Variants in DAZAP1 observed in about 807,000 individuals in gnomAD.
The protein encoded by DAZAP1 is DAZ-associated protein 1.
DAZAP1 carries 6 observed loss-of-function variants against 60.1 expected under a neutral mutation model. The observed-to-expected ratio is 0.10, with a 90% CI of 0.05 to 0.20. The LOEUF (loss-of-function observed/expected upper bound fraction) is 0.20. DAZAP1 is among the 10% of genes least tolerant of loss of function. DAZAP1 has a pLI of 1.00. For missense variants in DAZAP1, 366 were observed against 560.4 expected, an observed-to-expected ratio of 0.65 and a Z score of 3.50; for synonymous variants, 235 against 215.9, an observed-to-expected ratio of 1.09 and a Z score of -0.78.
chr19:1,423,867 A>G lies in DAZAP1; in HGVS notation c.463+1471A>G, dbSNP rs1416820536. 6.6e-6 allele frequency among the ~76,000 whole-genome samples: 1 copy of G among 152,042 alleles called. No individual in the cohort carries two copies. The highest frequency in any genetic ancestry group is 1.5e-5 in the Non-Finnish European group (1 of 68,014). On this transcript the variant is annotated intron_variant, in intron 6 of 11. Transcript: ENST00000233078. This position sits in a 1 kb window ranked among gnomAD's most constrained non-coding sequence, Gnocchi z 6.8. ...TGTCCCGTGTGGACGGGACGTGGCG[A>G]GTGTCGCTGAGTCCACACTGGTGTA...
intron 4 of DAZAP1, among the ~76,000 whole-genome samples, chr19:1,419,492 C>T (rs533744632): frequency 6.6e-5 from 10 of 152,308 alleles, no homozygotes; most frequent in African/African-American, 2.4e-4. Flanking sequence ...AAAATGACGG[C>T]CACCCCTCGC....
rs1258373351 is a variant in DAZAP1 at position 1,418,792 on chromosome 19, C to T, written c.303+61C>T. Reference sequence around the variant, plus strand: ...CTCCACTCCACGTGGAAAGGAAATGCGTGCCTTCAATCTGCTGTTGTCGCT... The same window carrying T: ...CTCCACTCCACGTGGAAAGGAAATGTGTGCCTTCAATCTGCTGTTGTCGCT... On this transcript the variant is annotated intron_variant, in intron 4 of 11. Transcript: ENST00000233078. The surrounding 1 kb of genome is among the most constrained non-coding windows in gnomAD (Gnocchi z 5.7). 14 of 1,493,592 alleles carry T rather than the reference C, an allele frequency of 9.4e-6. No homozygotes were observed. The highest frequency in any genetic ancestry group is 6.3e-6 in the Non-Finnish European group (7 of 1,104,928). The allele number at this position is 1,493,592 out of a possible 1,614,324, so 92.5% of individuals were successfully genotyped here. A position where few individuals can be genotyped will look rare whatever the true frequency, so the allele number is the denominator to read the frequency against.
intron 10 of DAZAP1, among the ~76,000 whole-genome samples, 177 bp downstream of exon 10, chr19:1,430,539 G>A (rs527258155): frequency 6.6e-6 from 1 of 152,188 alleles, no homozygotes; most frequent in Non-Finnish European, 1.5e-5. Context: ...TCCATCGCCT[G>A]TGGCCTCGCT....
chr19:1,430,067 G>C, intron 9 of DAZAP1, 71 bp downstream of exon 9: 1 of 1,582,584 alleles, frequency 6.3e-7, no homozygotes, highest in Non-Finnish European at 8.6e-7. Context: ...AGGTGTCCTG[G>C]GGCAGCCGGC....
At chr19:1,424,291 C>G (rs1417967968) in intron 6 of DAZAP1, among the ~76,000 whole-genome samples, 2 of 150,554 alleles carry the variant, frequency 1.3e-5, no homozygotes, top group Non-Finnish European at 3.0e-5. Flanking sequence ...CGCTGTGTGC[C>G]TTGCCTTCCT....
chr19:1,429,900 G>A (rs1364996226), intron 8 of DAZAP1, 67 bp from the exon 9 acceptor site: 93 of 1,546,932 alleles, frequency 6.0e-5, no homozygotes, highest in Non-Finnish European at 7.8e-5. Context: ...CATGCTCTGC[G>A]GCTCCTTCTC....
In DAZAP1 at chr19:1,433,633, G is replaced by A. The variant is rs2083513712; in HGVS notation, c.1048+943G>A. 1 of 892,732 alleles carries A rather than the reference G, an allele frequency of 1.1e-6. No homozygotes were observed. The highest frequency in any genetic ancestry group is 1.7e-5 in the African/African-American group (1 of 60,252). 55.3% of individuals were successfully genotyped at this position (892,732 alleles called of 1,614,324 possible). A position where few individuals can be genotyped will look rare whatever the true frequency, so the allele number is the denominator to read the frequency against. ...CACCACCAAACCCTGGCGTGTCTGA[G>A]ACTGGCAGGGGGGTGTGAGGCGCCC... On this transcript the variant is annotated intron_variant, in intron 11 of 11. Coordinates refer to ENST00000233078, the MANE Select transcript of DAZAP1 (RefSeq NM_018959.4). This position sits in a 1 kb window ranked among gnomAD's most constrained non-coding sequence, Gnocchi z 6.1.
Position 1,428,905 on chromosome 19 carries a change from A to G in DAZAP1, c.610A>G (p.Ser204Gly). The change falls in exon 8 of 12, where the codon AGC (serine) becomes GGC (glycine). Residue 204 changes from serine (S) to glycine (G), a missense_variant. Physicochemically the swap from Ser to Gly is moderately conservative, Grantham distance 56 (BLOSUM62 0). Coordinates refer to ENST00000233078, the MANE Select transcript of DAZAP1 (RefSeq NM_018959.4). This position sits in a 1 kb window ranked among gnomAD's most constrained non-coding sequence, Gnocchi z 4.0. ...KSQAPGQPGA[S>G]QWGSRVVPNA... Reference sequence around the variant, plus strand: ...CCAAGCGCCGGGACAGCCAGGTGCCAGCCAGTGGGGGAGCCGGGTTGTGCC... The same window carrying G: ...CCAAGCGCCGGGACAGCCAGGTGCCGGCCAGTGGGGGAGCCGGGTTGTGCC... The G allele has an allele frequency of 6.2e-7, 1 of 1,613,002 alleles. No homozygotes were observed. The highest frequency in any genetic ancestry group is 1.1e-5 in the South Asian group (1 of 91,076).
Position 1,429,950 on chromosome 19 carries a change from T to C in DAZAP1, c.701-17T>C. ...GGTGGACACGGCGCCAACCTCCTCT[T>C]CTGTTCTCTTATCTAGGAATGTGGG... On this transcript the variant is annotated splice_polypyrimidine_tract_variant and intron_variant, in intron 8 of 11. Coordinates refer to ENST00000233078, the MANE Select transcript of DAZAP1 (RefSeq NM_018959.4). 6.4e-7 allele frequency: 1 copy of C among 1,562,620 alleles called. No individual in the cohort carries two copies. Among genetic ancestry groups the C allele is most frequent in the Non-Finnish European group, 8.7e-7 (1 of 1,152,404 alleles).
At chr19:1,431,461 C>G (rs180747830) in intron 10 of DAZAP1, among the ~76,000 whole-genome samples, 2 of 151,894 alleles carry the variant, frequency 1.3e-5, no homozygotes, top group Non-Finnish European at 2.9e-5. Flanking sequence ...TGGAGTTTCA[C>G]TTTTGTTGCC....
chr19:1,424,359 TC>T (rs1264501120), intron 6 of DAZAP1, among the ~76,000 whole-genome samples: 14 of 21,578 alleles, frequency 6.5e-4, no homozygotes, highest in Admixed American at 2.3e-3. Context: ...CCCCTCCCCC[TC>T]CCCCCTCCCC....
Position 1,418,848 on chromosome 19 carries a change from G to A in DAZAP1, c.303+117G>A, listed in dbSNP as rs2083064884. The stretch of plus-strand genomic sequence containing the variant: ...AGATTGAGGGCGACGCAGGTCTTCT[G>A]GGTTGGCACTCGAGCAGCTGAGGAT... On this transcript the variant is annotated intron_variant, in intron 4 of 11. Transcript: ENST00000233078. The surrounding 1 kb of genome is among the most constrained non-coding windows in gnomAD (Gnocchi z 5.7). 9.3e-7 allele frequency: 1 copy of A among 1,076,772 alleles called. No individual in the cohort carries two copies. The highest frequency in any genetic ancestry group is 2.6e-5 in the Admixed American group (1 of 38,624). The allele number at this position is 1,076,772 out of a possible 1,614,324, so 66.7% of individuals were successfully genotyped here. A position where few individuals can be genotyped will look rare whatever the true frequency, so the allele number is the denominator to read the frequency against.
At position 1,430,074 on chromosome 19, in the gene DAZAP1, C is replaced by T. The variant is rs112802518; in HGVS notation, c.730+78C>T. On this transcript the variant is annotated intron_variant, in intron 9 of 11. Coordinates refer to ENST00000233078, the MANE Select transcript of DAZAP1 (RefSeq NM_018959.4). ...GACTCGCCAGGTGTCCTGGGGCAGC[C>T]GGCAAAGCCTGGTTCCCGTGTCCTG... 1,349 of 1,581,664 alleles carry T rather than the reference C, an allele frequency of 8.5e-4. 13 individuals carry two copies. In the African/African-American group the frequency reaches 0.016, roughly 19 times the overall value.
intron 10 of DAZAP1, among the ~76,000 whole-genome samples, chr19:1,431,381 G>A (rs981970331): frequency 4.6e-5 from 7 of 151,660 alleles, no homozygotes; most frequent in African/African-American, 1.2e-4. Context: ...CGCCCGCCTC[G>A]GCCTCCCAAA....
rs964494334 is a variant in DAZAP1, at chr19:1,422,566, G to A, written c.463+170G>A. 3.3e-5 allele frequency among the ~76,000 whole-genome samples: 5 copies of A among 152,200 alleles called. No homozygotes were observed. Among genetic ancestry groups the A allele is most frequent in the African/African-American group, 9.7e-5 (4 of 41,436 alleles). On this transcript the variant is annotated intron_variant, in intron 6 of 11. Transcript: ENST00000233078. This position sits in a 1 kb window ranked among gnomAD's most constrained non-coding sequence, Gnocchi z 4.5. Reference sequence around the variant, plus strand: ...GGGCTCCTCATGTGCACCCCATTCAGCCTGTCTGTGCTTCCCGAGGTCAGA... The same window carrying A: ...GGGCTCCTCATGTGCACCCCATTCAACCTGTCTGTGCTTCCCGAGGTCAGA...
chr19:1,434,681 A>G lies in DAZAP1; in HGVS notation c.1049-56A>G. The G allele has an allele frequency of 1.3e-6, 2 of 1,591,552 alleles. No homozygotes were observed. Among genetic ancestry groups the G allele is most frequent in the Non-Finnish European group, 1.7e-6 (2 of 1,166,674 alleles). ...AGCTGTGTCCAGGTGGCCTCGCTCG[A>G]CGGCAGTGCCAACCGCCCAGGGACC... On this transcript the variant is annotated intron_variant, in intron 11 of 11. Transcript: ENST00000233078. The surrounding 1 kb of genome is among the most constrained non-coding windows in gnomAD (Gnocchi z 8.0).
rs996084016 is a variant in DAZAP1, at chr19:1,428,559, C to G, written c.547-283C>G. ...GACCCTTCGTCACGCACGAAACCCC[C>G]GAGGGCTCTGGGCTCGGTCCTGCTG... On this transcript the variant is annotated intron_variant, in intron 7 of 11. Transcript: ENST00000233078. The surrounding 1 kb of genome is among the most constrained non-coding windows in gnomAD (Gnocchi z 4.0). The G allele has an allele frequency of 5.5e-6, 2 of 361,774 alleles. No individual in the cohort carries two copies. The highest frequency in any genetic ancestry group is 1.0e-5 in the Non-Finnish European group (2 of 200,060). 22.4% of individuals were successfully genotyped at this position (361,774 alleles called of 1,614,324 possible).
chr19:1,429,113 G>A lies in DAZAP1; in HGVS notation c.700+118G>A, dbSNP rs868452328. 117 of 1,280,962 alleles carry A rather than the reference G, an allele frequency of 9.1e-5. 1 individual carries two copies. The Middle Eastern group carries it at 1.1e-3, about 12-fold the overall frequency. The allele number at this position is 1,280,962 out of a possible 1,614,324, so 79.3% of individuals were successfully genotyped here. A position where few individuals can be genotyped will look rare whatever the true frequency, so the allele number is the denominator to read the frequency against. ...CTCTGCTGTGCATGCACAGAGCCGC[G>A]GTTCACAGTGTCCTTGAGCCCCCGC... On this transcript the variant is annotated intron_variant, in intron 8 of 11. Coordinates refer to ENST00000233078, the MANE Select transcript of DAZAP1 (RefSeq NM_018959.4).
chr19:1,409,140 G>A lies in DAZAP1; in HGVS notation c.29+1338G>A, dbSNP rs75041275. ...AAAGCACTTAGCCCCTGCCTAGCCC[G>A]TGCTGTGAGTCCTCTCCAGGCACTT... On this transcript the variant is annotated intron_variant, in intron 1 of 11. Transcript: ENST00000233078. Among the ~76,000 whole-genome samples the A allele has an allele frequency of 5.1e-3, 771 of 152,340 alleles. 33 individuals carry two copies. The East Asian group carries it at 0.089, about 18-fold the overall frequency.
Sources: allele counts gnomAD v4.1 joint callset (sites outside exome capture counted in the v4.1 genomes callset), GRCh38; gene constraint gnomAD v4.1.1; non-coding constraint Gnocchi (gnomAD v3.1); transcripts MANE v1.5; gene names NCBI Gene and HGNC (gene_info 2026-07-23, HGNC 2026-07-21).